Variants in MKX observed in about 807,000 individuals in gnomAD.
The protein encoded by MKX is homeobox protein Mohawk.
A neutral mutation model predicts 36.0 loss-of-function variants in MKX; 13 were observed. The observed-to-expected ratio is 0.36, with a 90% confidence interval of 0.24 to 0.57. The LOEUF (loss-of-function observed/expected upper bound fraction) is 0.57. Among genes scored for constraint, MKX ranks in the 20% least tolerant of loss-of-function variants. MKX has a pLI of 0.79. For missense variants in MKX, 458 were observed against 456.4 expected (o/e 1.00, Z -0.03); for synonymous variants, 176 against 178.3 (o/e 0.99, Z 0.10).
Position 27,741,875 on chromosome 10 carries a change from G to A in MKX, c.189-371C>T, listed in dbSNP as rs1589700869. 3.9e-5 allele frequency among the ~76,000 whole-genome samples: 6 copies of A among 152,306 alleles called. No individual in the cohort carries two copies. The highest frequency in any genetic ancestry group is 3.9e-4 in the Admixed American group (6 of 15,304). ...GGCGCCGCACCCTCGAGTGGCCCTG[G>A]CCTGGCAGGCCTGGCAGGGTATGCG... On this transcript the variant is annotated intron_variant, in intron 2 of 6. Transcript: ENST00000419761. The surrounding 1 kb of genome is among the most constrained non-coding windows in gnomAD (Gnocchi z 5.1).
At chr10:27,716,353 G>A (rs1480326156) in intron 5 of MKX, among the ~76,000 whole-genome samples, 1 of 149,344 alleles carries the variant, frequency 6.7e-6, no homozygotes, top group Non-Finnish European at 1.5e-5. Context: ...AGCCCGGGAG[G>A]ATGAGGCTGC....
intron 5 of MKX, among the ~76,000 whole-genome samples, chr10:27,690,485 C>G (rs2132508620): frequency 6.6e-6 from 1 of 152,310 alleles, no homozygotes; most frequent in South Asian, 2.1e-4. Flanking sequence ...TTGTCTGAGG[C>G]ACTGGATTTG....
chr10:27,700,920 T>A (rs1245787012), intron 5 of MKX, among the ~76,000 whole-genome samples: 2 of 152,196 alleles, frequency 1.3e-5, no homozygotes, highest in African/African-American at 4.8e-5. Context: ...TCCTGTTCTG[T>A]AATTTTTTTA....
In MKX at chr10:27,742,701, C is replaced by T. The variant is rs1391516484; in HGVS notation, c.188+527G>A. ...CCTCCCCCTCCGGGTTCGCCGCGGG[C>T]CCAGCCGAGCCGCGCTCACGCCCGG... On this transcript the variant is annotated intron_variant, in intron 2 of 6. Transcript: ENST00000419761. This position sits in a 1 kb window ranked among gnomAD's most constrained non-coding sequence, Gnocchi z 4.2. Among the ~76,000 whole-genome samples, 1 of 151,928 alleles carries T rather than the reference C, an allele frequency of 6.6e-6. No homozygotes were observed. The highest frequency in any genetic ancestry group is 2.4e-5 in the African/African-American group (1 of 41,396).
intron 5 of MKX, among the ~76,000 whole-genome samples, chr10:27,686,962 C>T (rs1836366998): frequency 6.6e-6 from 1 of 152,042 alleles, no homozygotes; most frequent in Admixed American, 6.6e-5. Context: ...CATAGTCCCC[C>T]CAACTAGCTC....
chr10:27,730,579 T>A (rs1278616737), intron 5 of MKX, among the ~76,000 whole-genome samples: 2 of 150,968 alleles, frequency 1.3e-5, no homozygotes, highest in East Asian at 4.0e-4. Flanking sequence ...TACCTCAGCC[T>A]CCCGAGTAGC....
chr10:27,743,261 T>C lies in MKX; in HGVS notation c.155A>G (p.Lys52Arg), dbSNP rs1225451267. The C allele has an allele frequency of 7.8e-6, 12 of 1,544,032 alleles. No individual in the cohort carries two copies. The highest frequency in any genetic ancestry group is 1.0e-5 in the Non-Finnish European group (12 of 1,150,760). ...EVGIPDGPPL[K>R]DNLGLRHRRT... ...CCGGTGTCTCAGGCCGAGGTTGTCC[T>C]TGAGGGGCGGGCCGTCGGGAATGCC... The change falls in exon 2 of 7, where the codon AAG becomes AGG. Residue 52 changes from lysine to arginine, a missense_variant. Coordinates refer to ENST00000419761, the MANE Select transcript of MKX (RefSeq NM_173576.3).
rs1564369020 is a variant in MKX, at chr10:27,741,738, A to G, written c.189-234T>C. Reference sequence around the variant, plus strand: ...TGAATAGGGGGATACCTTGAACCCAATACCCCAAGGTTAGAGGTTTAGAAG... The same window carrying G: ...TGAATAGGGGGATACCTTGAACCCAGTACCCCAAGGTTAGAGGTTTAGAAG... On this transcript the variant is annotated intron_variant, in intron 2 of 6. Coordinates refer to ENST00000419761, the MANE Select transcript of MKX (RefSeq NM_173576.3). The surrounding 1 kb of genome is among the most constrained non-coding windows in gnomAD (Gnocchi z 5.1). Among the ~76,000 whole-genome samples, 1 of 152,224 alleles carries G rather than the reference A, an allele frequency of 6.6e-6. No homozygotes were observed. Among genetic ancestry groups the G allele is most frequent in the Admixed American group, 6.5e-5 (1 of 15,294 alleles).
intron 5 of MKX, among the ~76,000 whole-genome samples, chr10:27,732,063 T>C (rs12265151): frequency 0.049 from 7,405 of 152,272 alleles, 582 homozygotes; most frequent in African/African-American, 0.16. Flanking sequence ...TTTTGAATTG[T>C]TTTTCAATAT....
At chr10:27,683,456 G>T (rs766599567) in intron 5 of MKX, among the ~76,000 whole-genome samples, 13 of 152,198 alleles carry the variant, frequency 8.5e-5, no homozygotes, top group Non-Finnish European at 1.8e-4. Context: ...ACTGCCTGAT[G>T]ATACACTTGC....
chr10:27,693,842 C>A (rs1836497272), intron 5 of MKX, among the ~76,000 whole-genome samples: 1 of 152,060 alleles, frequency 6.6e-6, no homozygotes, highest in Non-Finnish European at 1.5e-5. Flanking sequence ...TGTCCCCACC[C>A]AAATCTCATC....
chr10:27,731,083 G>T (rs981475924), intron 5 of MKX, among the ~76,000 whole-genome samples: 9 of 144,740 alleles, frequency 6.2e-5, no homozygotes, highest in South Asian at 2.2e-4. Context: ...GCAGTGAACC[G>T]AGATCGTGCC....
chr10:27,675,330 C>T lies in MKX; in HGVS notation c.958G>A (p.Gly320Arg), dbSNP rs138968448. The T allele has an allele frequency of 1.6e-5, 26 of 1,614,128 alleles. No individual in the cohort carries two copies. The Middle Eastern group carries it at 4.9e-4, about 31-fold the overall frequency. Reference sequence around the variant, plus strand: ...GTAGTTCCCTGCAGTTTGTCCTTTCCCTGTGCAAGATTTGTTAAGGCCATA... The same window carrying T: ...GTAGTTCCCTGCAGTTTGTCCTTTCTCTGTGCAAGATTTGTTAAGGCCATA... ...AAMALTNLAQ[G>R]KDKLQGTTSC... Residue 320 changes from glycine (G) to arginine (R), a missense_variant, in exon 7 of 7, where the codon GGA becomes AGA. Around this residue, in one of 3 missense-constraint regions of MKX, gnomAD observed 297 missense variants for 304.4 expected, o/e 0.98. Coordinates refer to ENST00000419761, the MANE Select transcript of MKX (RefSeq NM_173576.3).
chr10:27,675,811 T>A (rs1836136792), intron 5 of MKX, among the ~76,000 whole-genome samples: 1 of 152,238 alleles, frequency 6.6e-6, no homozygotes, highest in Admixed American at 6.5e-5. Flanking sequence ...TTATTTACTC[T>A]GAGAAATTGG....
Position 27,675,022 on chromosome 10 carries a change from C to T in MKX, c.*207G>A. The T allele has an allele frequency of 2.1e-6, 1 of 474,494 alleles. No homozygotes were observed. The allele number at this position is 474,494 out of a possible 1,614,324, so 29.4% of individuals were successfully genotyped here. On this transcript the variant is annotated 3_prime_UTR_variant, in exon 7 of 7. Coordinates refer to ENST00000419761, the MANE Select transcript of MKX (RefSeq NM_173576.3). ...GATGTTTTATGCATAGTTTGAGTAACATAAAATAAGTTAATATTTTTGATT... is the reference window on the plus strand; with the variant it reads ...GATGTTTTATGCATAGTTTGAGTAATATAAAATAAGTTAATATTTTTGATT...
rs979214508 is a variant in MKX, at chr10:27,674,927, A to G, written c.*302T>C. 8.0e-6 allele frequency: 2 copies of G among 250,532 alleles called. No individual in the cohort carries two copies. Among genetic ancestry groups the G allele is most frequent in the African/African-American group, 4.6e-5 (2 of 43,948 alleles). 15.5% of individuals were successfully genotyped at this position (250,532 alleles called of 1,614,324 possible). On this transcript the variant is annotated 3_prime_UTR_variant, in exon 7 of 7. Transcript: ENST00000419761. ...ATATGGCGTTGGCATTTTGAGGCAT[A>G]GCTTGTTCAACTATGCCCACGTTGG...
intron 5 of MKX, among the ~76,000 whole-genome samples, chr10:27,678,380 T>C (rs1187808119): frequency 6.6e-6 from 1 of 152,248 alleles, no homozygotes; most frequent in Admixed American, 6.5e-5. Flanking sequence ...GTTATGGAGA[T>C]ATTTATTCAA....
At chr10:27,681,142 G>T (rs78722523) in intron 5 of MKX, among the ~76,000 whole-genome samples, 1 of 152,150 alleles carries the variant, frequency 6.6e-6, no homozygotes, top group Non-Finnish European at 1.5e-5. Context: ...TTGTGGTGAT[G>T]CTGGTGTAAA....
intron 5 of MKX, among the ~76,000 whole-genome samples, chr10:27,701,744 A>C (rs1362818454): frequency 6.9e-6 from 1 of 145,514 alleles, no homozygotes; most frequent in Non-Finnish European, 1.5e-5. Context: ...TATTATATAG[A>C]GAATTATATA....
Sources: gnomAD v4.1 joint callset for allele counts (sites outside exome capture counted in the v4.1 genomes callset) on GRCh38, gnomAD v4.1.1 for gene constraint, gnomAD v4.1.1 regional missense constraint, Gnocchi (gnomAD v3.1) non-coding constraint, MANE v1.5 for transcripts, NCBI Gene and HGNC (gene_info 2026-07-23, HGNC 2026-07-21) for gene names.